PAX9: variants seen among roughly 807,000 people sequenced by gnomAD.
The protein encoded by PAX9 is paired box protein Pax-9.
A neutral mutation model predicts 29.1 loss-of-function variants in PAX9; 6 were observed. The ratio of observed to expected loss-of-function variants is 0.21; its 90% CI spans 0.11 to 0.41. The LOEUF (loss-of-function observed/expected upper bound fraction) is 0.41, where lower values mean the gene tolerates loss of function less well. PAX9 is among the 10% of genes least tolerant of loss of function. The pLI is 1.00. For synonymous variants in PAX9, 217 were observed against 211.7 expected (o/e 1.03, Z -0.22); for missense variants, 443 against 479.1 (o/e 0.92, Z 0.70).
chr14:36,662,735 G>A (rs924190556), intron 1 of PAX9, 162 bp from the exon 2 acceptor site: 2 of 820,992 alleles, frequency 2.4e-6, no homozygotes, highest in Non-Finnish European at 3.8e-6. Flanking sequence ...GTTTGGGGCC[G>A]TTCGGCTATG....
At chr14:36,661,745 T>A (rs1312985291), upstream of PAX9, 2 of 428,618 alleles carry the variant, frequency 4.7e-6, no homozygotes, top group South Asian at 6.9e-5. Context: ...AGGAGTTTCC[T>A]GGACTGCGCT....
chr14:36,660,469 T>C (rs1881215460), upstream of PAX9, among the ~76,000 whole-genome samples: 1 of 152,256 alleles, frequency 6.6e-6, no homozygotes, highest in African/African-American at 2.4e-5. Flanking sequence ...ATTTTGAATT[T>C]AGAGTGCATC....
chr14:36,660,962 G>T (rs1881235532), upstream of PAX9, among the ~76,000 whole-genome samples: 3 of 152,372 alleles, frequency 2.0e-5, no homozygotes, highest in Admixed American at 2.0e-4. Flanking sequence ...ACTGTCTTGG[G>T]ACTAAGTCTC....
At chr14:36,665,564 C>T (rs1369589249) in intron 2 of PAX9, among the ~76,000 whole-genome samples, 4 of 152,174 alleles carry the variant, frequency 2.6e-5, no homozygotes, top group Admixed American at 2.0e-4. Context: ...ATATTCTCAA[C>T]CCCAGGTATT....
chr14:36,673,824 G>A (rs943587512), intron 3 of PAX9, among the ~76,000 whole-genome samples: 2 of 152,078 alleles, frequency 1.3e-5, no homozygotes, highest in African/African-American at 4.8e-5. Flanking sequence ...TTAACTTTAT[G>A]TCCCTATATG....
chr14:36,665,017 A>G (rs1034448298), intron 2 of PAX9, among the ~76,000 whole-genome samples: 2 of 152,100 alleles, frequency 1.3e-5, no homozygotes, highest in African/African-American at 2.4e-5. Flanking sequence ...GGGGATCTCA[A>G]TTTCTTAAGA....
chr14:36,666,388 G>A, intron 2 of PAX9, 74 bp from the exon 3 acceptor site: 1 of 1,556,000 alleles, frequency 6.4e-7, no homozygotes, highest in African/African-American at 1.4e-5. Flanking sequence ...CTCCGTCGCG[G>A]GTTTGGGTCC....
chr14:36,673,718 G>A (rs958898023), intron 3 of PAX9, among the ~76,000 whole-genome samples: 1 of 152,154 alleles, frequency 6.6e-6, no homozygotes, highest in South Asian at 2.1e-4. Flanking sequence ...AAAAGAATGG[G>A]TAGGAAAAAT....
At position 36,661,912 on chromosome 14, in the gene PAX9, A is replaced by T. The variant is rs918374474; in HGVS notation, c.-178A>T. The T allele has an allele frequency of 1.2e-5, 9 of 745,854 alleles. No homozygotes were observed. In the Admixed American group the frequency reaches 1.5e-4, roughly 12 times the overall value. 46.2% of individuals were successfully genotyped at this position (745,854 alleles called of 1,614,324 possible). On this transcript the variant is annotated 5_prime_UTR_variant, in exon 1 of 4. Transcript: ENST00000361487. ...GAAATGCAGAACTCAAGCCTCTTTC[A>T]TCGGGGCACAGACTTCCTTTTACTT...
chr14:36,666,356 C>A, intron 2 of PAX9, 106 bp from the exon 3 acceptor site: 1 of 1,453,234 alleles, frequency 6.9e-7, no homozygotes. Flanking sequence ...GGGAGCCGAC[C>A]CAAGGTCTAA....
intron 1 of PAX9, 106 bp downstream of exon 1, chr14:36,662,199 C>T (rs1421079059): frequency 1.6e-6 from 2 of 1,233,866 alleles, no homozygotes; most frequent in Non-Finnish European, 1.1e-6. Context: ...CCACTAGGCG[C>T]TCACATTCTC....
rs954813889 is a variant in PAX9, at chr14:36,679,000, T to C, written c.*2548T>C. ...CATATTTCCTCTATCTCATAGATGG[T>C]AAAAGTGTTGCTTTTAAACTGGCAA... On this transcript the variant is annotated 3_prime_UTR_variant, in exon 4 of 4. Coordinates refer to ENST00000361487, the MANE Select transcript of PAX9 (RefSeq NM_001372076.1). 10 of 947,540 alleles carry C rather than the reference T, an allele frequency of 1.1e-5. No individual in the cohort carries two copies. The African/African-American group carries it at 1.8e-4, about 17-fold the overall frequency. The allele number at this position is 947,540 out of a possible 1,614,324, so 58.7% of individuals were successfully genotyped here.
upstream of PAX9, among the ~76,000 whole-genome samples, chr14:36,658,359 G>T (rs11845657): frequency 0.026 from 3,918 of 148,336 alleles, 191 homozygotes; most frequent in African/African-American, 0.092. Flanking sequence ...GGGCACCGTC[G>T]CCTGGGCCTC....
chr14:36,661,245 G>A (rs1195091608), upstream of PAX9, among the ~76,000 whole-genome samples: 1 of 152,248 alleles, frequency 6.6e-6, no homozygotes, highest in Non-Finnish European at 1.5e-5. Flanking sequence ...GGGGGTCGCC[G>A]CAGGAAGCTG....
In PAX9 at chr14:36,663,009, G is replaced by A. The variant is rs751783950; in HGVS notation, c.117G>A (p.Pro39=). 6.2e-6 allele frequency: 10 copies of A among 1,613,740 alleles called. No homozygotes were observed. In the South Asian group the frequency reaches 7.7e-5, roughly 12 times the overall value. ...AACTGGCCCAACTGGGCATCCGACC[G>A]TGTGACATCAGCCGCCAGCTACGGG... ...IVELAQLGIR[P]CDISRQLRVS... The change falls in exon 2 of 4, where the codon CCG becomes CCA. Residue 39 remains proline, a synonymous_variant. Transcript: ENST00000361487.
At chr14:36,659,228 T>G (rs376619667), upstream of PAX9, among the ~76,000 whole-genome samples, 1 of 152,244 alleles carries the variant, frequency 6.6e-6, no homozygotes, top group East Asian at 1.9e-4. Flanking sequence ...GGCGGCAGAC[T>G]CCAGCTGACC....
In PAX9 at chr14:36,663,197, TC is replaced by T; in HGVS notation, c.307del (p.Arg103GlyfsTer18). ...GACCCCGGCATCTTCGCCTGGGAGA[TC>T]CGGGACCGCCTGCTGGCGGACGGCG... ...QRDPGIFAWE[I>X]RDRLLADGVC... On this transcript the variant is annotated frameshift_variant, in exon 2 of 4. Coordinates refer to ENST00000361487, the MANE Select transcript of PAX9 (RefSeq NM_001372076.1). LOFTEE classifies it high-confidence loss of function. 6.2e-7 allele frequency: 1 copy of T among 1,613,848 alleles called. No individual in the cohort carries two copies. The highest frequency in any genetic ancestry group is 8.5e-7 in the Non-Finnish European group (1 of 1,180,028).
intron 2 of PAX9, among the ~76,000 whole-genome samples, chr14:36,664,509 C>T (rs936579736): frequency 2.0e-5 from 3 of 151,948 alleles, no homozygotes; most frequent in South Asian, 2.1e-4. Context: ...AAGGATTCCC[C>T]GAGCCCTCCT....
intron 3 of PAX9, among the ~76,000 whole-genome samples, chr14:36,672,783 T>TG (rs202048743): frequency 0.038 from 3,941 of 103,648 alleles, 162 homozygotes; most frequent in South Asian, 0.16. Context: ...AGATTTATGT[T>TG]TGTTTTTTTT....
Sources: allele counts gnomAD v4.1 joint callset (sites outside exome capture counted in the v4.1 genomes callset), GRCh38; gene constraint gnomAD v4.1.1; transcripts MANE v1.5; gene names NCBI Gene and HGNC (gene_info 2026-07-23, HGNC 2026-07-21).